Variants in PEX5L observed in about 807,000 individuals in gnomAD.
PEX5L encodes PEX5-related protein.
In PEX5L, 30 loss-of-function variants were observed where a neutral mutation model predicts 84.0. The ratio of observed to expected loss-of-function variants is 0.36; its 90% CI spans 0.27 to 0.48. PEX5L has a LOEUF of 0.48. Ranked by LOEUF, PEX5L falls within the 20% of genes least tolerant of loss-of-function variation. The pLI, the probability that PEX5L is intolerant of heterozygous loss-of-function variation, is 0.99. For synonymous variants in PEX5L, 270 were observed against 283.1 expected (o/e 0.95, Z 0.46); for missense variants, 533 against 754.6 (o/e 0.71, Z 3.44).
intron 1 of PEX5L, among the ~76,000 whole-genome samples, chr3:179,988,841 A>C (rs1522115): frequency 0.23 from 35,000 of 152,150 alleles, 5,545 homozygotes; most frequent in African/African-American, 0.46. Flanking sequence ...AGCAGCACAA[A>C]GAATGGAATT....
chr3:179,944,064 A>G (rs1776881375), intron 2 of PEX5L, among the ~76,000 whole-genome samples: 1 of 151,936 alleles, frequency 6.6e-6, no homozygotes, highest in Non-Finnish European at 1.5e-5. Context: ...AATTAGAACA[A>G]TTTATGAATT....
intron 2 of PEX5L, among the ~76,000 whole-genome samples, chr3:179,913,607 C>G (rs1765928177): frequency 6.6e-6 from 1 of 152,034 alleles, no homozygotes; most frequent in Non-Finnish European, 1.5e-5. Flanking sequence ...AAGATGTTTG[C>G]ATTTTTCCTC....
chr3:180,035,131 T>A (rs1298422607), intron 1 of PEX5L, among the ~76,000 whole-genome samples: 7 of 152,182 alleles, frequency 4.6e-5, no homozygotes, highest in East Asian at 1.9e-4. Flanking sequence ...GTTGACTCTA[T>A]TAAAATCTTC....
chr3:179,870,751 A>C (rs1750030944), intron 7 of PEX5L, among the ~76,000 whole-genome samples: 1 of 152,126 alleles, frequency 6.6e-6, no homozygotes, highest in African/African-American at 2.4e-5. Context: ...ATGCTTCCAC[A>C]TCAATCCGTT....
At chr3:179,884,958 A>C (rs1218416821) in intron 4 of PEX5L, among the ~76,000 whole-genome samples, 1 of 152,130 alleles carries the variant, frequency 6.6e-6, no homozygotes, top group African/African-American at 2.4e-5. Context: ...GAAGAGGTAA[A>C]TATTTCCTAA....
chr3:179,847,874 CT>C (rs1455165130), intron 8 of PEX5L, among the ~76,000 whole-genome samples: 1 of 151,670 alleles, frequency 6.6e-6, no homozygotes, highest in African/African-American at 2.4e-5. Context: ...ATTTTTAGAT[CT>C]TTTGTAGAGA....
At chr3:179,989,351 A>C (rs1025454413) in intron 1 of PEX5L, among the ~76,000 whole-genome samples, 3 of 152,238 alleles carry the variant, frequency 2.0e-5, no homozygotes, top group Non-Finnish European at 4.4e-5. Flanking sequence ...TAACTTTTTC[A>C]GAAATGCTCA....
intron 2 of PEX5L, among the ~76,000 whole-genome samples, chr3:179,967,438 T>C (rs959093116): frequency 3.9e-5 from 6 of 152,176 alleles, no homozygotes; most frequent in African/African-American, 1.2e-4. Flanking sequence ...CTTTTACATA[T>C]TTTAACTCAG....
chr3:179,807,599 T>C, intron 14 of PEX5L, 75 bp downstream of exon 14: 1 of 1,434,494 alleles, frequency 7.0e-7, no homozygotes, highest in Non-Finnish European at 9.6e-7. Flanking sequence ...CATTTTTACT[T>C]GGAAACAACC....
rs114460548 is a variant in PEX5L, at chr3:179,912,673, G to A, written c.94-14427C>T. ...TATGTTTGAAAATTTAGAATTGGTC[G>A]AATCTCCACTCCCCTATTAACAATA... On this transcript the variant is annotated intron_variant, in intron 2 of 14. Transcript: ENST00000467460. Among the ~76,000 whole-genome samples the A allele has an allele frequency of 9.3e-3, 1,420 of 152,026 alleles. 12 individuals are homozygous for A. Among genetic ancestry groups the A allele is most frequent in the South Asian group, 0.028 (134 of 4,806 alleles).
At chr3:179,874,726 GTTTTTTTTTTTGTTTTTTTTTTT>G (rs1386551064) in intron 6 of PEX5L, among the ~76,000 whole-genome samples, 5 of 45,200 alleles carry the variant, frequency 1.1e-4, no homozygotes, top group African/African-American at 1.4e-4. Context: ...AAAAATTATG[GTTTTTTTTTTTGTTTTTTTTTTT>G]TTTTTTTTTT....
At chr3:179,893,720 C>T (rs575897099) in intron 3 of PEX5L, among the ~76,000 whole-genome samples, 1 of 152,046 alleles carries the variant, frequency 6.6e-6, no homozygotes, top group East Asian at 1.9e-4. Context: ...TTTGGTACTT[C>T]AATAATAATT....
At chr3:179,848,795 G>C (rs1467183187) in intron 8 of PEX5L, among the ~76,000 whole-genome samples, 1 of 152,164 alleles carries the variant, frequency 6.6e-6, no homozygotes, top group East Asian at 1.9e-4. Flanking sequence ...GCAGTTTGGG[G>C]TAGGGGTCAG....
intron 14 of PEX5L, chr3:179,804,435 T>A (rs1013307599): frequency 5.3e-5 from 8 of 152,220 alleles, no homozygotes; most frequent in African/African-American, 1.9e-4. Context: ...GATGAAATTT[T>A]CATCCAAAGG....
intron 14 of PEX5L, among the ~76,000 whole-genome samples, chr3:179,802,549 A>AG (rs1250438224): frequency 6.2e-4 from 91 of 147,270 alleles, no homozygotes; most frequent in African/African-American, 1.2e-3. Flanking sequence ...AAAAAAAAAA[A>AG]AAAAAGAAAA....
At chr3:180,007,092 A>G (rs1203165060) in intron 1 of PEX5L, among the ~76,000 whole-genome samples, 1 of 152,226 alleles carries the variant, frequency 6.6e-6, no homozygotes, top group Admixed American at 6.5e-5. Context: ...CTTTCTGCCT[A>G]TGAGCCTGTA....
intron 2 of PEX5L, among the ~76,000 whole-genome samples, chr3:179,952,880 C>G (rs1779476275): frequency 6.6e-6 from 1 of 152,154 alleles, no homozygotes; most frequent in African/African-American, 2.4e-5. Flanking sequence ...GCCAAAACAG[C>G]ATGGTACCGG....
At chr3:180,027,326 T>G (rs1791051206) in intron 1 of PEX5L, among the ~76,000 whole-genome samples, 2 of 152,200 alleles carry the variant, frequency 1.3e-5, no homozygotes, top group Admixed American at 1.3e-4. Flanking sequence ...CCCAATGTAC[T>G]TTTTTTCCAA....
chr3:179,856,752 C>T (rs370921564), intron 8 of PEX5L, among the ~76,000 whole-genome samples: 18 of 152,312 alleles, frequency 1.2e-4, no homozygotes, highest in African/African-American at 4.3e-4. Flanking sequence ...TCCCTTCATT[C>T]CTTAGGGAGG....
Sources: allele counts gnomAD v4.1 joint callset (sites outside exome capture counted in the v4.1 genomes callset), GRCh38; gene constraint gnomAD v4.1.1; transcripts MANE v1.5; gene names NCBI Gene and HGNC (gene_info 2026-07-23, HGNC 2026-07-21).